The following SEC24B variants were observed in gnomAD, a reference collection of about 807,000 sequenced individuals.
SEC24B encodes the protein SEC24 homolog B, COPII component.
A neutral mutation model predicts 142.8 loss-of-function variants in SEC24B; 45 were observed. The ratio of observed to expected loss-of-function variants is 0.32; its 90% CI spans 0.25 to 0.40. The LOEUF (loss-of-function observed/expected upper bound fraction) is 0.40. SEC24B is among the 10% of genes least tolerant of loss of function. The pLI is 1.00. For synonymous variants in SEC24B, 574 were observed against 568.2 expected (o/e 1.01, Z -0.15); for missense variants, 1,409 against 1,526.8 (o/e 0.92, Z 1.29).
rs941057075 is a variant in SEC24B at position 109,453,457 on chromosome 4, C to T, written c.134-9444C>T. Among the ~76,000 whole-genome samples, 4 of 107,000 alleles carry T rather than the reference C, an allele frequency of 3.7e-5. 1 individual carries two copies. The highest frequency in any genetic ancestry group is 1.6e-4 in the African/African-American group (4 of 25,742). The allele number at this position is 107,000 out of a possible 152,430, so 70.2% of individuals were successfully genotyped here. ...CATTTTAGGCCCCCCCCCCCCCCCCCCCGAATGGCTGTTAATTATTAATAT... is the reference window on the plus strand; with the variant it reads ...CATTTTAGGCCCCCCCCCCCCCCCCTCCGAATGGCTGTTAATTATTAATAT... On this transcript the variant is annotated intron_variant, in intron 1 of 23. Coordinates refer to ENST00000265175, the MANE Select transcript of SEC24B (RefSeq NM_006323.5).
At chr4:109,512,151 T>C in intron 9 of SEC24B, 68 bp downstream of exon 9, 1 of 1,356,192 alleles carries the variant, frequency 7.4e-7, no homozygotes, top group South Asian at 1.4e-5. Context: ...ATTTTTGTCA[T>C]CTCCTGGTTT....
chr4:109,456,326 T>G (rs1285322435), intron 1 of SEC24B, among the ~76,000 whole-genome samples: 4 of 124,138 alleles, frequency 3.2e-5, no homozygotes, highest in Non-Finnish European at 5.2e-5. Context: ...TAAAGACAGG[T>G]TTTTTTTGTT....
At chr4:109,491,300 T>G in intron 4 of SEC24B, 27 bp from the exon 5 acceptor site, 1 of 1,559,494 alleles carries the variant, frequency 6.4e-7, no homozygotes, top group African/African-American at 1.4e-5. Flanking sequence ...ATTTTAAACC[T>G]AGTAGATATT....
intron 22 of SEC24B, among the ~76,000 whole-genome samples, chr4:109,534,514 G>A (rs1725289694): frequency 6.6e-6 from 1 of 152,022 alleles, no homozygotes; most frequent in Admixed American, 6.5e-5. Context: ...GTGAACTCGG[G>A]AGGCGGAGCT....
chr4:109,498,880 AC>A (rs1186038595), intron 6 of SEC24B, among the ~76,000 whole-genome samples: 1 of 145,570 alleles, frequency 6.9e-6, no homozygotes, highest in African/African-American at 2.4e-5. Flanking sequence ...GGAAAAAAAA[AC>A]ACCTTAAAAT....
chr4:109,476,806 A>T (rs1251775108), intron 3 of SEC24B, among the ~76,000 whole-genome samples: 2 of 152,232 alleles, frequency 1.3e-5, no homozygotes, highest in Non-Finnish European at 2.9e-5. Flanking sequence ...GTAAGTGAGG[A>T]AATTTAAATT....
intron 9 of SEC24B, among the ~76,000 whole-genome samples, chr4:109,512,697 C>A (rs1420153607): frequency 6.6e-6 from 1 of 151,390 alleles, no homozygotes; most frequent in East Asian, 1.9e-4. Flanking sequence ...GCTCTGTCAC[C>A]CAGGCTGGAG....
Position 109,516,655 on chromosome 4 carries a change from AATTCATACTATACAT to A in SEC24B, c.2126+18_2126+32del. On this transcript the variant is annotated intron_variant, in intron 11 of 23. Coordinates refer to ENST00000265175, the MANE Select transcript of SEC24B (RefSeq NM_006323.5). ...AATCTAGACAAGTAAGAATATTTTT[AATTCATACTATACAT>A]ATGTGTATGTTATATATATAAATGT... 7.5e-7 allele frequency: 1 copy of A among 1,334,092 alleles called. No individual in the cohort carries two copies. The highest frequency in any genetic ancestry group is 1.1e-6 in the Non-Finnish European group (1 of 933,898). The allele number at this position is 1,334,092 out of a possible 1,614,324, so 82.6% of individuals were successfully genotyped here.
intron 6 of SEC24B, among the ~76,000 whole-genome samples, chr4:109,504,690 T>G (rs909704176): frequency 3.3e-5 from 5 of 152,176 alleles, no homozygotes; most frequent in Non-Finnish European, 7.4e-5. Flanking sequence ...GATTAGTGCC[T>G]CATACAATGA....
intron 9 of SEC24B, 149 bp downstream of exon 9, chr4:109,512,232 T>G: frequency 1.4e-6 from 1 of 699,818 alleles, no homozygotes; most frequent in South Asian, 2.0e-5. Flanking sequence ...AGGCTAGGAC[T>G]AGGGATTCTT....
chr4:109,471,015 A>G (rs1316174280), intron 2 of SEC24B, among the ~76,000 whole-genome samples: 1 of 152,278 alleles, frequency 6.6e-6, no homozygotes, highest in East Asian at 1.9e-4. Context: ...ACAATATTGG[A>G]AATGTTTTAT....
intron 14 of SEC24B, 84 bp downstream of exon 14, chr4:109,521,710 A>G (rs1469569065): frequency 9.4e-7 from 1 of 1,067,388 alleles, no homozygotes; most frequent in Non-Finnish European, 1.3e-6. Context: ...AATACTGGCA[A>G]GAGAGTTGGG....
At chr4:109,447,886 A>C (rs1251755543) in intron 1 of SEC24B, among the ~76,000 whole-genome samples, 1 of 152,214 alleles carries the variant, frequency 6.6e-6, no homozygotes. Flanking sequence ...TCCCTTCTAG[A>C]GAATCTAAGG....
At chr4:109,481,593 T>C in intron 3 of SEC24B, 84 bp from the exon 4 acceptor site, 1 of 862,284 alleles carries the variant, frequency 1.2e-6, no homozygotes, top group African/African-American at 1.7e-5. Context: ...CAGAGTTCTT[T>C]CTCACTTTTA....
intron 22 of SEC24B, among the ~76,000 whole-genome samples, chr4:109,534,313 G>A (rs945548636): frequency 3.1e-4 from 47 of 151,824 alleles, no homozygotes; most frequent in African/African-American, 9.4e-4. Flanking sequence ...TGGGCCAGGC[G>A]CAGTGGCTCA....
chr4:109,436,498 G>GTGGTGTGATATGAAATACGTTT (rs1277690102), intron 1 of SEC24B, among the ~76,000 whole-genome samples: 1 of 152,224 alleles, frequency 6.6e-6, no homozygotes, highest in Non-Finnish European at 1.5e-5. Flanking sequence ...CTTCAGTGTT[G>GTGGTGTGATATGAAATACGTTT]TGGTGTGATA....
At chr4:109,482,494 C>T (rs1229124806) in intron 4 of SEC24B, among the ~76,000 whole-genome samples, 1 of 151,990 alleles carries the variant, frequency 6.6e-6, no homozygotes, top group Non-Finnish European at 1.5e-5. Flanking sequence ...CATATTTTTT[C>T]AGATTTCAGA....
intron 1 of SEC24B, among the ~76,000 whole-genome samples, chr4:109,459,272 A>G (rs1731018820): frequency 6.6e-6 from 1 of 152,202 alleles, no homozygotes; most frequent in Non-Finnish European, 1.5e-5. Flanking sequence ...AAACAACTGG[A>G]ATCATAGACA....
intron 2 of SEC24B, among the ~76,000 whole-genome samples, chr4:109,467,753 A>G (rs1732102873): frequency 6.6e-6 from 1 of 152,228 alleles, no homozygotes; most frequent in Admixed American, 6.5e-5. Flanking sequence ...AATTATTTTG[A>G]TTAAAATTAA....
Sources: allele counts gnomAD v4.1 joint callset (sites outside exome capture counted in the v4.1 genomes callset), GRCh38; gene constraint gnomAD v4.1.1; transcripts MANE v1.5; gene names NCBI Gene and HGNC (gene_info 2026-07-23, HGNC 2026-07-21).